Variants in ADGRD1 observed in about 807,000 individuals in gnomAD.
ADGRD1 encodes the protein G-protein coupled receptor 133.
ADGRD1 carries 77 observed loss-of-function variants against 113.4 expected under a neutral mutation model. The ratio of observed to expected loss-of-function variants is 0.68; its 90% CI spans 0.57 to 0.82. The LOEUF (loss-of-function observed/expected upper bound fraction) is 0.82. Among genes scored for constraint, ADGRD1 ranks in the 40% least tolerant of loss-of-function variants. The pLI, the probability that ADGRD1 is intolerant of heterozygous loss-of-function variation, is 0.00. For missense variants in ADGRD1, 1,036 were observed against 1,139.1 expected (o/e 0.91, Z 1.30); for synonymous variants, 474 against 475.0 (o/e 1.00, Z 0.03).
rs1310057058 is a variant in ADGRD1, at chr12:131,131,603, G to A, written c.2176-122G>A. The A allele has an allele frequency of 9.0e-6, 6 of 666,508 alleles. No individual in the cohort carries two copies. In the East Asian group the frequency reaches 1.1e-4, roughly 12 times the overall value. 41.3% of individuals were successfully genotyped at this position (666,508 alleles called of 1,614,324 possible). Reference sequence around the variant, plus strand: ...TGAGATTTGTCCCAGTGATGCCCCTGTGTCCCAGGAGCCCTGGCTGGGCAG... The same window carrying A: ...TGAGATTTGTCCCAGTGATGCCCCTATGTCCCAGGAGCCCTGGCTGGGCAG... On this transcript the variant is annotated intron_variant, in intron 20 of 24. Coordinates refer to ENST00000261654, the MANE Select transcript of ADGRD1 (RefSeq NM_198827.5).
intron 13 of ADGRD1, among the ~76,000 whole-genome samples, chr12:131,029,411 C>T (rs1593071978): frequency 6.6e-6 from 1 of 152,262 alleles, no homozygotes; most frequent in Admixed American, 6.5e-5. Context: ...CACCTCCAGA[C>T]GTTTAATTTA....
chr12:130,963,336 A>T (rs1174749782), intron 2 of ADGRD1, among the ~76,000 whole-genome samples: 1 of 151,490 alleles, frequency 6.6e-6, no homozygotes, highest in Admixed American at 6.6e-5. Flanking sequence ...AAAAAAAAAA[A>T]AAAAAAGAAA....
chr12:131,054,646 G>A (rs1388948786), intron 13 of ADGRD1, among the ~76,000 whole-genome samples: 2 of 152,092 alleles, frequency 1.3e-5, no homozygotes, highest in African/African-American at 4.8e-5. Context: ...CTTCCTTCCT[G>A]CATGTGCCAG....
intron 15 of ADGRD1, among the ~76,000 whole-genome samples, chr12:131,090,214 A>G (rs1436801105): frequency 6.6e-6 from 1 of 152,234 alleles, no homozygotes. Flanking sequence ...GTTTAAAATT[A>G]TCTGTGCTAA....
intron 14 of ADGRD1, among the ~76,000 whole-genome samples, chr12:131,079,492 GTAA>G (rs1461710543): frequency 6.6e-6 from 1 of 152,216 alleles, no homozygotes; most frequent in East Asian, 1.9e-4. Context: ...TTATATCGAG[GTAA>G]TGATACCTTT....
In ADGRD1 at chr12:130,966,515, TG is replaced by T; in HGVS notation, c.159del (p.Ile54SerfsTer22). On this transcript the variant is annotated frameshift_variant, in exon 3 of 25. Coordinates refer to ENST00000261654, the MANE Select transcript of ADGRD1 (RefSeq NM_198827.5). LOFTEE classifies it high-confidence loss of function. The surrounding 1 kb of genome is among the most constrained non-coding windows in gnomAD (Gnocchi z 4.6). ...SHYWPLENVD[G>X]IHELQDTTGD... ...ATTACTGGCCACTGGAGAATGTGGA[TG>T]GGATCCATGAACTTCAGGATACAAC... 6.2e-7 allele frequency: 1 copy of T among 1,611,342 alleles called. No homozygotes were observed. Among genetic ancestry groups the T allele is most frequent in the Non-Finnish European group, 8.5e-7 (1 of 1,177,450 alleles).
chr12:131,105,610 C>T (rs936627007), intron 16 of ADGRD1, 144 bp from the exon 17 acceptor site: 3 of 632,450 alleles, frequency 4.7e-6, no homozygotes, highest in African/African-American at 1.8e-5. Context: ...AGGGAGCCAT[C>T]GATGGTCCAC....
At chr12:130,969,894 C>G (rs1871415668) in intron 3 of ADGRD1, 1 of 152,108 alleles carries the variant, frequency 6.6e-6, no homozygotes, top group Admixed American at 6.5e-5. Context: ...GAGACCTTTT[C>G]TAGACATAGA....
At chr12:131,051,216 G>A (rs558711027) in intron 13 of ADGRD1, among the ~76,000 whole-genome samples, 1 of 152,334 alleles carries the variant, frequency 6.6e-6, no homozygotes, top group South Asian at 2.1e-4. Flanking sequence ...CGGGGTGCTC[G>A]TGCTTGTGGG....
chr12:130,995,782 T>G (rs569324665), intron 8 of ADGRD1, among the ~76,000 whole-genome samples: 225 of 152,312 alleles, frequency 1.5e-3, no homozygotes, highest in African/African-American at 5.1e-3. Flanking sequence ...TAATTTTTTA[T>G]TGATCATTCT....
At chr12:131,066,391 C>T (rs1593151194) in intron 13 of ADGRD1, among the ~76,000 whole-genome samples, 1 of 152,154 alleles carries the variant, frequency 6.6e-6, no homozygotes, top group East Asian at 1.9e-4. Flanking sequence ...GGTGGCCTGT[C>T]AGCACCTTCC....
At chr12:131,094,097 A>C (rs540651820) in intron 15 of ADGRD1, among the ~76,000 whole-genome samples, 1 of 146,596 alleles carries the variant, frequency 6.8e-6, no homozygotes, top group Non-Finnish European at 1.5e-5. Flanking sequence ...CAGTCTCAGC[A>C]CCCAGCCCTG....
chr12:131,008,232 A>C (rs1467209560), intron 12 of ADGRD1, among the ~76,000 whole-genome samples: 1 of 152,166 alleles, frequency 6.6e-6, no homozygotes, highest in Non-Finnish European at 1.5e-5. Flanking sequence ...TTTGCCTTTG[A>C]GGTAATTATC....
chr12:130,992,181 G>A (rs1197274963), intron 7 of ADGRD1, 56 bp from the exon 8 acceptor site: 2 of 1,363,314 alleles, frequency 1.5e-6, no homozygotes, highest in South Asian at 1.3e-5. Context: ...TTAAACTTCT[G>A]TATAATATTT....
Position 131,019,653 on chromosome 12 carries a change from A to G in ADGRD1, c.1473+5313A>G, listed in dbSNP as rs1593052530. On this transcript the variant is annotated intron_variant, in intron 13 of 24. Transcript: ENST00000261654. Reference sequence around the variant, plus strand: ...GCCAGTTTGATGGCTGTTGTCAAACATTTTCTCATCAGACGGCCTCAGCTC... The same window carrying G: ...GCCAGTTTGATGGCTGTTGTCAAACGTTTTCTCATCAGACGGCCTCAGCTC... 1.3e-5 allele frequency among the ~76,000 whole-genome samples: 2 copies of G among 152,202 alleles called. 1 individual carries two copies. The highest frequency in any genetic ancestry group is 4.1e-4 in the South Asian group (2 of 4,832).
intron 8 of ADGRD1, among the ~76,000 whole-genome samples, chr12:130,997,323 C>T (rs1302644396): frequency 3.3e-5 from 5 of 150,368 alleles, no homozygotes; most frequent in East Asian, 4.0e-4. Context: ...ACCTCCCTCC[C>T]GGACGGGGTG....
In ADGRD1 at chr12:131,060,837, T is replaced by A. The variant is rs187768189; in HGVS notation, c.1474-15964T>A. On this transcript the variant is annotated intron_variant, in intron 13 of 24. Transcript: ENST00000261654. The surrounding 1 kb of genome is among the most constrained non-coding windows in gnomAD (Gnocchi z 4.4). ...GCCTGGATTCTCAGGCAACCCTTCT[T>A]CTCCTTGACCCTTGGGCCAAGCTCA... is the stretch of plus-strand genomic sequence containing the variant. 3.4e-3 allele frequency among the ~76,000 whole-genome samples: 515 copies of A among 152,044 alleles called. 3 individuals carry two copies. The highest frequency in any genetic ancestry group is 0.011 in the African/African-American group (465 of 41,470).
In ADGRD1 at chr12:131,060,583, CT is replaced by C. The variant is rs1431761341; in HGVS notation, c.1474-16217del. On this transcript the variant is annotated intron_variant, in intron 13 of 24. Coordinates refer to ENST00000261654, the MANE Select transcript of ADGRD1 (RefSeq NM_198827.5). The surrounding 1 kb of genome is among the most constrained non-coding windows in gnomAD (Gnocchi z 4.4). ...AGGGGGCCTTACGGACACCAGCAGCCTCTCCAGGGGCATCAGCAGCCGTACC... is the reference window on the plus strand; with the variant it reads ...AGGGGGCCTTACGGACACCAGCAGCCCTCCAGGGGCATCAGCAGCCGTACC... 1.3e-5 allele frequency among the ~76,000 whole-genome samples: 2 copies of C among 152,316 alleles called. No individual in the cohort carries two copies. The highest frequency in any genetic ancestry group is 3.9e-4 in the East Asian group (2 of 5,182).
In ADGRD1 at chr12:131,003,055, C is replaced by A; in HGVS notation, c.1027-130C>A. 2 of 783,816 alleles carry A rather than the reference C, an allele frequency of 2.6e-6. No individual in the cohort carries two copies. Among genetic ancestry groups the A allele is most frequent in the Non-Finnish European group, 4.4e-6 (2 of 450,478 alleles). 48.6% of individuals were successfully genotyped at this position (783,816 alleles called of 1,614,324 possible). A position where few individuals can be genotyped will look rare whatever the true frequency, so the allele number is the denominator to read the frequency against. On this transcript the variant is annotated intron_variant, in intron 9 of 24. Transcript: ENST00000261654. This position sits in a 1 kb window ranked among gnomAD's most constrained non-coding sequence, Gnocchi z 4.8. ...TCCCCTCCTGATCCATGGGAAGGGGCAGTTGTGTGACTTCTTCCTCCCTCG... is the reference window on the plus strand; with the variant it reads ...TCCCCTCCTGATCCATGGGAAGGGGAAGTTGTGTGACTTCTTCCTCCCTCG...
Sources: allele counts gnomAD v4.1 joint callset (sites outside exome capture counted in the v4.1 genomes callset), GRCh38; gene constraint gnomAD v4.1.1; non-coding constraint Gnocchi (gnomAD v3.1); transcripts MANE v1.5; gene names NCBI Gene and HGNC (gene_info 2026-07-23, HGNC 2026-07-21).